The following SLC35F3 variants were observed in gnomAD, a reference collection of about 807,000 sequenced individuals.
SLC35F3 encodes the protein putative thiamine transporter SLC35F3.
Under a neutral mutation model 49.9 loss-of-function variants are expected in SLC35F3, and 25 were observed. That is an observed-to-expected ratio of 0.50 (90% CI 0.37 to 0.70). The LOEUF is 0.70. Ranked by LOEUF, SLC35F3 falls within the 30% of genes least tolerant of loss-of-function variation. The pLI is 0.00. For missense variants in SLC35F3, 525 were observed against 639.8 expected (o/e 0.82, Z 1.94); for synonymous variants, 275 against 265.4 (o/e 1.04, Z -0.35).
At chr1:234,255,116 G>T (rs1179590439) in intron 3 of SLC35F3, among the ~76,000 whole-genome samples, 2 of 152,148 alleles carry the variant, frequency 1.3e-5, no homozygotes, top group Non-Finnish European at 2.9e-5. Context: ...CAAAACATCT[G>T]ATGAAAGACT....
rs1320683669 is a variant in SLC35F3, at chr1:234,323,860, C to A, written c.*617C>A. On this transcript the variant is annotated 3_prime_UTR_variant, in exon 8 of 8. Coordinates refer to ENST00000366618, the MANE Select transcript of SLC35F3 (RefSeq NM_173508.4). This position sits in a 1 kb window ranked among gnomAD's most constrained non-coding sequence, Gnocchi z 4.5. ...CCAGGAAGGACAAGATAAGTCCAAG[C>A]CCCGGCTGGCCTGCTCTCACGTGTC... 1 of 153,962 alleles carries A rather than the reference C, an allele frequency of 6.5e-6. No individual in the cohort carries two copies. Among genetic ancestry groups the A allele is most frequent in the Non-Finnish European group, 1.4e-5 (1 of 69,322 alleles). 9.5% of individuals were successfully genotyped at this position (153,962 alleles called of 1,614,324 possible).
chr1:233,984,070 A>G (rs917609608), intron 2 of SLC35F3, among the ~76,000 whole-genome samples: 3 of 152,176 alleles, frequency 2.0e-5, no homozygotes, highest in East Asian at 3.8e-4. Context: ...TTTCTCCTCT[A>G]TGCTTTCATC....
At chr1:233,924,561 T>C (rs1483361567) in intron 2 of SLC35F3, among the ~76,000 whole-genome samples, 1 of 150,632 alleles carries the variant, frequency 6.6e-6, no homozygotes, top group African/African-American at 2.4e-5. Context: ...CTATCAATTT[T>C]GTTGATCTTT....
At chr1:234,128,785 A>C (rs10910346) in intron 2 of SLC35F3, among the ~76,000 whole-genome samples, 2,781 of 152,270 alleles carry the variant, frequency 0.018, 77 homozygotes, top group African/African-American at 0.063. Flanking sequence ...TCTTTGCTTA[A>C]ATTTTAAATG....
At chr1:234,009,788 T>A (rs1414037116) in intron 2 of SLC35F3, among the ~76,000 whole-genome samples, 1 of 152,154 alleles carries the variant, frequency 6.6e-6, no homozygotes, top group Non-Finnish European at 1.5e-5. Context: ...AATCCCAATA[T>A]GACTATCAGC....
At chr1:234,004,163 A>G (rs1663595240) in intron 2 of SLC35F3, among the ~76,000 whole-genome samples, 2 of 152,222 alleles carry the variant, frequency 1.3e-5, no homozygotes, top group Non-Finnish European at 2.9e-5. Flanking sequence ...TGTTCTCTAC[A>G]TCATTATAAC....
intron 2 of SLC35F3, among the ~76,000 whole-genome samples, chr1:234,039,139 A>G (rs927074043): frequency 2.0e-5 from 3 of 152,226 alleles, no homozygotes; most frequent in Non-Finnish European, 4.4e-5. Flanking sequence ...TCGAAGCTCT[A>G]AACAGGATGA....
intron 2 of SLC35F3, among the ~76,000 whole-genome samples, chr1:234,144,630 A>G (rs1665970439): frequency 6.6e-6 from 1 of 152,204 alleles, no homozygotes; most frequent in African/African-American, 2.4e-5. Context: ...TAATTCTTGT[A>G]GCAGTTAAAC....
intron 2 of SLC35F3, among the ~76,000 whole-genome samples, chr1:234,030,832 C>T (rs1325144004): frequency 6.6e-6 from 1 of 151,678 alleles, no homozygotes; most frequent in Non-Finnish European, 1.5e-5. Flanking sequence ...TGGGATAAAC[C>T]AAGAGAAAAG....
chr1:234,292,464 A>G (rs1337020230), intron 3 of SLC35F3, among the ~76,000 whole-genome samples: 4 of 152,244 alleles, frequency 2.6e-5, no homozygotes, highest in Admixed American at 2.6e-4. Context: ...TTCAAATTAA[A>G]TTCAAAAAAT....
intron 2 of SLC35F3, among the ~76,000 whole-genome samples, chr1:234,033,091 C>T (rs1399853521): frequency 6.6e-6 from 1 of 151,740 alleles, no homozygotes; most frequent in African/African-American, 2.4e-5. Flanking sequence ...CTTTGATTTG[C>T]GTTTCCCTGA....
chr1:234,049,692 G>T (rs1664346566), intron 2 of SLC35F3, among the ~76,000 whole-genome samples: 1 of 152,020 alleles, frequency 6.6e-6, no homozygotes, highest in South Asian at 2.1e-4. Flanking sequence ...CAACATGCAG[G>T]TTTGTTACAT....
At chr1:234,153,814 C>T (rs2102909876) in intron 2 of SLC35F3, among the ~76,000 whole-genome samples, 1 of 152,076 alleles carries the variant, frequency 6.6e-6, no homozygotes, top group South Asian at 2.1e-4. Context: ...TGGCTCACGC[C>T]TGTAATCCCA....
intron 2 of SLC35F3, among the ~76,000 whole-genome samples, chr1:234,150,789 C>T (rs75816286): frequency 0.017 from 2,607 of 152,282 alleles, 84 homozygotes; most frequent in African/African-American, 0.058. Flanking sequence ...AATATATTCC[C>T]GGCACCCCAG....
At chr1:233,994,055 G>C (rs756800908) in intron 2 of SLC35F3, among the ~76,000 whole-genome samples, 4 of 152,202 alleles carry the variant, frequency 2.6e-5, no homozygotes, top group Non-Finnish European at 5.9e-5. Context: ...CGTGCAATCT[G>C]AGAATTAGAG....
At chr1:234,307,975 G>A (rs189213404) in intron 3 of SLC35F3, among the ~76,000 whole-genome samples, 15 of 152,320 alleles carry the variant, frequency 9.8e-5, no homozygotes, top group African/African-American at 3.4e-4. Flanking sequence ...TCTGCATGTA[G>A]AAGACTGGCT....
intron 2 of SLC35F3, among the ~76,000 whole-genome samples, chr1:234,194,136 T>A (rs509612): frequency 0.81 from 123,125 of 151,982 alleles, 50,708 homozygotes; most frequent in East Asian, 0.99. Context: ...AAGTCATTAT[T>A]AAAAAAAGAT....
At chr1:234,077,256 G>A (rs1004379540) in intron 2 of SLC35F3, among the ~76,000 whole-genome samples, 40 of 151,088 alleles carry the variant, frequency 2.6e-4, no homozygotes, top group Middle Eastern at 3.2e-3. Flanking sequence ...CACCCGCCTC[G>A]GCCTCCCAAA....
chr1:234,078,339 A>G (rs558039351), intron 2 of SLC35F3, among the ~76,000 whole-genome samples: 1 of 151,882 alleles, frequency 6.6e-6, no homozygotes, highest in East Asian at 1.9e-4. Context: ...TCACTGCTCC[A>G]TTTCCTCACC....
Sources: allele counts gnomAD v4.1 joint callset (sites outside exome capture counted in the v4.1 genomes callset), GRCh38; gene constraint gnomAD v4.1.1; non-coding constraint Gnocchi (gnomAD v3.1); transcripts MANE v1.5; gene names NCBI Gene and HGNC (gene_info 2026-07-23, HGNC 2026-07-21).